The following MAP6 variants were observed in gnomAD, a reference collection of about 807,000 sequenced individuals.
MAP6 encodes microtubule associated protein 6.
In MAP6, 26 loss-of-function variants were observed where a neutral mutation model predicts 42.4. That is an observed-to-expected ratio of 0.61 (90% CI 0.45 to 0.85). The LOEUF is 0.85. Among genes scored for constraint, MAP6 ranks in the 40% least tolerant of loss-of-function variants. MAP6 has a pLI of 0.00. For missense variants in MAP6, 966 were observed against 1,099.0 expected (o/e 0.88, Z 1.71); for synonymous variants, 418 against 443.8 (o/e 0.94, Z 0.73).
chr11:75,639,659 G>A (rs1332295118), intron 1 of MAP6, among the ~76,000 whole-genome samples: 1 of 152,200 alleles, frequency 6.6e-6, no homozygotes, highest in African/African-American at 2.4e-5. Flanking sequence ...TCCAGAATTG[G>A]AAGTGCATGA....
At chr11:75,624,832 A>G (rs1943169610) in intron 1 of MAP6, among the ~76,000 whole-genome samples, 1 of 152,176 alleles carries the variant, frequency 6.6e-6, no homozygotes, top group Non-Finnish European at 1.5e-5. Flanking sequence ...GTGCCTACTG[A>G]ACACACTTTG....
chr11:75,631,136 A>T (rs1943278089), intron 1 of MAP6, among the ~76,000 whole-genome samples: 1 of 152,228 alleles, frequency 6.6e-6, no homozygotes, highest in Admixed American at 6.5e-5. Context: ...AAGAAGCATA[A>T]TTCAAATTAC....
At chr11:75,634,094 C>T (rs562817090) in intron 1 of MAP6, among the ~76,000 whole-genome samples, 1 of 152,216 alleles carries the variant, frequency 6.6e-6, no homozygotes, top group East Asian at 1.9e-4. Context: ...TAGCTGCGTC[C>T]CCATCCCCAG....
At chr11:75,621,795 G>A (rs902574244) in intron 1 of MAP6, among the ~76,000 whole-genome samples, 5 of 152,202 alleles carry the variant, frequency 3.3e-5, no homozygotes, top group Admixed American at 1.3e-4. Context: ...GGCCAAGGTG[G>A]GTGGATCACT....
intron 1 of MAP6, among the ~76,000 whole-genome samples, chr11:75,619,972 C>T (rs1376615263): frequency 4.6e-5 from 7 of 152,152 alleles, no homozygotes; most frequent in Non-Finnish European, 1.0e-4. Context: ...TCTACCTCAC[C>T]AGCATCTGTT....
intron 1 of MAP6, among the ~76,000 whole-genome samples, chr11:75,629,093 T>A (rs1302279296): frequency 6.6e-6 from 1 of 152,174 alleles, no homozygotes; most frequent in Non-Finnish European, 1.5e-5. Flanking sequence ...TTCATTTTTT[T>A]ATTTTTATTT....
intron 3 of MAP6, among the ~76,000 whole-genome samples, chr11:75,590,724 T>C (rs1266924274): frequency 1.3e-5 from 2 of 152,208 alleles, no homozygotes; most frequent in Non-Finnish European, 2.9e-5. Flanking sequence ...CCCAGCACTT[T>C]GGGAGGCCGA....
At chr11:75,657,897 C>T (rs749758146) in intron 1 of MAP6, among the ~76,000 whole-genome samples, 21 of 152,186 alleles carry the variant, frequency 1.4e-4, no homozygotes, top group Admixed American at 2.6e-4. Flanking sequence ...GCTATACTCC[C>T]CATTCCAAGG....
At chr11:75,606,649 A>T (rs1398994802) in intron 2 of MAP6, among the ~76,000 whole-genome samples, 1 of 152,220 alleles carries the variant, frequency 6.6e-6, no homozygotes, top group African/African-American at 2.4e-5. Flanking sequence ...TGGCTCACCC[A>T]TATGGAGAAG....
rs56721290 is a variant in MAP6, at chr11:75,660,809, C to A, written c.905+6656G>T. Among the ~76,000 whole-genome samples the A allele has an allele frequency of 3.1e-3, 478 of 152,054 alleles. 2 individuals are homozygous for A. The highest frequency in any genetic ancestry group is 0.011 in the African/African-American group (464 of 41,476). On this transcript the variant is annotated intron_variant, in intron 1 of 3. Coordinates refer to ENST00000304771, the MANE Select transcript of MAP6 (RefSeq NM_033063.2). ...AAACTTCTTAGCCAGGAATACAAGG[C>A]TGTTGATAAGCTGACCTATGCCTAC... is the stretch of plus-strand genomic sequence containing the variant.
At position 75,618,803 on chromosome 11, in the gene MAP6, G is replaced by A. The variant is rs149450611; in HGVS notation, c.906-10481C>T. On this transcript the variant is annotated intron_variant, in intron 1 of 3. Transcript: ENST00000304771. The stretch of plus-strand genomic sequence containing the variant: ...CTCCTGTCGATGCCCTGGTAGAGCC[G>A]ACAGGTGCTCTGGGAGTCCTGTGCT... 3.2e-3 allele frequency among the ~76,000 whole-genome samples: 492 copies of A among 152,264 alleles called. 2 individuals carry two copies. Among genetic ancestry groups the A allele is most frequent in the African/African-American group, 0.011 (472 of 41,542 alleles).
chr11:75,589,248 T>A (rs1238227437), intron 3 of MAP6, among the ~76,000 whole-genome samples: 1 of 152,196 alleles, frequency 6.6e-6, no homozygotes, highest in Non-Finnish European at 1.5e-5. Context: ...ACTGTGGCCG[T>A]CTGCCTCATC....
intron 1 of MAP6, among the ~76,000 whole-genome samples, chr11:75,661,290 T>G (rs1179596788): frequency 1.3e-5 from 2 of 152,080 alleles, no homozygotes; most frequent in Admixed American, 1.3e-4. Flanking sequence ...GGAGGAGCCC[T>G]TCTTATATAA....
At chr11:75,644,936 A>C (rs1042866174) in intron 1 of MAP6, among the ~76,000 whole-genome samples, 1 of 152,208 alleles carries the variant, frequency 6.6e-6, no homozygotes, top group African/African-American at 2.4e-5. Flanking sequence ...GGAAACCCTG[A>C]ATCAGAGCAG....
At chr11:75,666,991 A>C (rs1450658433) in intron 1 of MAP6, among the ~76,000 whole-genome samples, 1 of 152,084 alleles carries the variant, frequency 6.6e-6, no homozygotes, top group African/African-American at 2.4e-5. Context: ...AGAGACTGAG[A>C]AAGGGAGGAA....
chr11:75,624,060 C>T (rs1943156697), intron 1 of MAP6, among the ~76,000 whole-genome samples: 1 of 152,168 alleles, frequency 6.6e-6, no homozygotes, highest in Non-Finnish European at 1.5e-5. Context: ...TTTACCCAGG[C>T]CCAACTAACC....
At chr11:75,643,865 T>C (rs1943514915) in intron 1 of MAP6, among the ~76,000 whole-genome samples, 1 of 152,132 alleles carries the variant, frequency 6.6e-6, no homozygotes, top group Non-Finnish European at 1.5e-5. Context: ...GAGCTGGGAT[T>C]AGAACCCAGG....
intron 1 of MAP6, among the ~76,000 whole-genome samples, chr11:75,640,226 C>G (rs1320560549): frequency 1.3e-5 from 2 of 150,168 alleles, no homozygotes; most frequent in East Asian, 3.9e-4. Context: ...TACACACACA[C>G]TCTCTCACAC....
intron 1 of MAP6, among the ~76,000 whole-genome samples, chr11:75,650,009 C>G (rs1162494242): frequency 2.0e-5 from 3 of 152,162 alleles, no homozygotes; most frequent in Non-Finnish European, 2.9e-5. Context: ...AGAGCAGTAT[C>G]GAATGGATGG....
Sources: gnomAD v4.1 joint callset for allele counts (sites outside exome capture counted in the v4.1 genomes callset) on GRCh38, gnomAD v4.1.1 for gene constraint, MANE v1.5 for transcripts, NCBI Gene and HGNC (gene_info 2026-07-23, HGNC 2026-07-21) for gene names.